Variants in SORCS3 observed in about 807,000 individuals in gnomAD.
SORCS3 encodes sortilin related VPS10 domain containing receptor 3, also known as VPS10 domain-containing receptor SorCS3.
In SORCS3, 57 loss-of-function variants were observed where a neutral mutation model predicts 146.3. The observed-to-expected ratio is 0.39, with a 90% CI of 0.31 to 0.49. SORCS3 has a LOEUF of 0.49. SORCS3 is among the 20% of genes least tolerant of loss of function. The pLI, the probability that SORCS3 is intolerant of heterozygous loss-of-function variation, is 0.92. For missense variants in SORCS3, 1,341 were observed against 1,575.5 expected (o/e 0.85, Z 2.52); for synonymous variants, 653 against 618.5 (o/e 1.06, Z -0.83).
chr10:105,186,072 A>G lies in SORCS3; in HGVS notation c.2009+7899A>G, dbSNP rs530614052. Among the ~76,000 whole-genome samples the G allele has an allele frequency of 2.0e-5, 3 of 152,314 alleles. No individual in the cohort carries two copies. In the South Asian group the frequency reaches 6.2e-4, roughly 32 times the overall value. Reference sequence around the variant, plus strand: ...TTATTTCTAGCTATGTGCTCTTACAAACAGTATTACCACATCTTTATGTAT... The same window carrying G: ...TTATTTCTAGCTATGTGCTCTTACAGACAGTATTACCACATCTTTATGTAT... On this transcript the variant is annotated intron_variant, in intron 14 of 26. Transcript: ENST00000369701.
intron 9 of SORCS3, among the ~76,000 whole-genome samples, chr10:105,150,137 G>A (rs1046180826): frequency 2.6e-5 from 4 of 152,126 alleles, no homozygotes; most frequent in Admixed American, 6.5e-5. Flanking sequence ...AGTTTGTTGG[G>A]TTTTGAGGGG....
chr10:104,898,151 A>G (rs1232493884), intron 2 of SORCS3, among the ~76,000 whole-genome samples: 1 of 152,198 alleles, frequency 6.6e-6, no homozygotes, highest in Non-Finnish European at 1.5e-5. Context: ...CCACTTTGCC[A>G]CTTACCACAT....
intron 20 of SORCS3, among the ~76,000 whole-genome samples, chr10:105,225,730 T>G (rs2056730349): frequency 6.6e-6 from 1 of 152,046 alleles, no homozygotes; most frequent in Non-Finnish European, 1.5e-5. Flanking sequence ...TATCTGTTTA[T>G]TTAGTTGTTA....
At chr10:104,923,501 A>G (rs1236980458) in intron 3 of SORCS3, among the ~76,000 whole-genome samples, 1 of 152,212 alleles carries the variant, frequency 6.6e-6, no homozygotes, top group Admixed American at 6.5e-5. Flanking sequence ...CAGCAGCACT[A>G]CTTGCTGGCA....
intron 3 of SORCS3, among the ~76,000 whole-genome samples, chr10:104,934,897 G>C (rs143844539): frequency 1.7e-4 from 26 of 152,326 alleles, no homozygotes; most frequent in Non-Finnish European, 3.5e-4. Context: ...TAGCAGTGGT[G>C]ATTTTAGCAG....
chr10:104,680,466 C>T (rs2015957930), intron 1 of SORCS3, among the ~76,000 whole-genome samples: 1 of 152,190 alleles, frequency 6.6e-6, no homozygotes, highest in African/African-American at 2.4e-5. Flanking sequence ...CTCCTCTTTC[C>T]CTGGAGAGGC....
At chr10:104,844,921 A>G (rs2018186386) in intron 2 of SORCS3, among the ~76,000 whole-genome samples, 1 of 152,186 alleles carries the variant, frequency 6.6e-6, no homozygotes, top group Non-Finnish European at 1.5e-5. Context: ...GGATGGGGAC[A>G]TATCTTTTAA....
intron 21 of SORCS3, 78 bp downstream of exon 21, chr10:105,245,743 A>G (rs1466249951): frequency 2.0e-6 from 3 of 1,511,126 alleles, no homozygotes; most frequent in Non-Finnish European, 2.7e-6. Flanking sequence ...ACAATCATTG[A>G]GTGTGGTGGA....
At chr10:104,953,698 C>T (rs1468820757) in intron 3 of SORCS3, among the ~76,000 whole-genome samples, 2 of 152,176 alleles carry the variant, frequency 1.3e-5, no homozygotes, top group African/African-American at 2.4e-5. Flanking sequence ...CCTTTCTGCT[C>T]TGTAATAGTT....
chr10:104,698,813 A>C (rs1460003848), intron 1 of SORCS3, among the ~76,000 whole-genome samples: 2 of 152,154 alleles, frequency 1.3e-5, no homozygotes, highest in African/African-American at 4.8e-5. Flanking sequence ...GTTGTCCATC[A>C]TGAGCTATGA....
At position 105,133,111 on chromosome 10, in the gene SORCS3, C is replaced by T. The variant is rs977080749; in HGVS notation, c.1213-6286C>T. ...GCCTGCTTTTGTGAGGACTCTGCCC[C>T]TGAAGGGCTGTGCGATCTTTGGAAA... On this transcript the variant is annotated intron_variant, in intron 7 of 26. Transcript: ENST00000369701. 2.6e-5 allele frequency among the ~76,000 whole-genome samples: 4 copies of T among 152,166 alleles called. 1 individual carries two copies. The highest frequency in any genetic ancestry group is 2.6e-4 in the Admixed American group (4 of 15,274).
chr10:105,259,566 T>G lies in SORCS3; in HGVS notation c.3443+2642T>G, dbSNP rs1187343865. On this transcript the variant is annotated intron_variant, in intron 25 of 26. Transcript: ENST00000369701. ...TCTCGCAGGCTCTCTTGCTCTTGGA[T>G]AGTGACTGCTATTTTCTTATATCTC... is the stretch of plus-strand genomic sequence containing the variant. Among the ~76,000 whole-genome samples, 3 of 152,326 alleles carry G rather than the reference T, an allele frequency of 2.0e-5. No individual in the cohort carries two copies. In the South Asian group the frequency reaches 6.2e-4, roughly 32 times the overall value.
intron 5 of SORCS3, among the ~76,000 whole-genome samples, chr10:105,079,707 C>T (rs2055610681): frequency 6.6e-6 from 1 of 152,082 alleles, no homozygotes. Context: ...ATATTTTCTG[C>T]TCCTCTCCTT....
chr10:104,994,020 A>G (rs1163157144), intron 4 of SORCS3, among the ~76,000 whole-genome samples: 1 of 152,192 alleles, frequency 6.6e-6, no homozygotes, highest in Non-Finnish European at 1.5e-5. Context: ...GAGACAGCAA[A>G]ATCCATCTGT....
intron 5 of SORCS3, among the ~76,000 whole-genome samples, chr10:105,059,682 C>T (rs1010119436): frequency 6.6e-6 from 1 of 152,168 alleles, no homozygotes; most frequent in Non-Finnish European, 1.5e-5. Context: ...GAGAATTTCC[C>T]CAATCCCTTG....
chr10:104,690,491 GT>G (rs2016098842), intron 1 of SORCS3, among the ~76,000 whole-genome samples: 1 of 152,210 alleles, frequency 6.6e-6, no homozygotes, highest in East Asian at 1.9e-4. Flanking sequence ...AAGTCACAGG[GT>G]TGAGGCAAGA....
At chr10:105,120,273 C>G (rs1224404324) in intron 7 of SORCS3, among the ~76,000 whole-genome samples, 1 of 152,116 alleles carries the variant, frequency 6.6e-6, no homozygotes, top group Non-Finnish European at 1.5e-5. Context: ...TTCCTGAGGC[C>G]TTTCCAGCCA....
At chr10:104,760,866 T>C (rs1323064900) in intron 1 of SORCS3, among the ~76,000 whole-genome samples, 1 of 151,828 alleles carries the variant, frequency 6.6e-6, no homozygotes, top group East Asian at 1.9e-4. Context: ...AAATACATGC[T>C]CTTAACAATG....
intron 2 of SORCS3, among the ~76,000 whole-genome samples, chr10:104,852,909 G>A (rs1339586785): frequency 6.6e-6 from 1 of 152,232 alleles, no homozygotes; most frequent in Non-Finnish European, 1.5e-5. Flanking sequence ...GAGTGGTCAT[G>A]AGGTGCTGCT....
Sources: gnomAD v4.1 joint callset for allele counts (sites outside exome capture counted in the v4.1 genomes callset) on GRCh38, gnomAD v4.1.1 for gene constraint, MANE v1.5 for transcripts, NCBI Gene and HGNC (gene_info 2026-07-23, HGNC 2026-07-21) for gene names.